Variants in LIN28B observed in about 807,000 individuals in gnomAD.
The protein encoded by LIN28B is lin-28 RNA binding posttranscriptional regulator B, also known as protein lin-28 homolog B.
A neutral mutation model predicts 21.9 loss-of-function variants in LIN28B; 5 were observed. That is an observed-to-expected ratio of 0.23 (90% CI 0.12 to 0.48). The LOEUF (loss-of-function observed/expected upper bound fraction) is 0.48. Ranked by LOEUF, LIN28B falls within the 20% of genes least tolerant of loss-of-function variation. LIN28B has a pLI of 0.98. For synonymous variants in LIN28B, 109 were observed against 111.3 expected (o/e 0.98, Z 0.13); for missense variants, 245 against 310.5 (o/e 0.79, Z 1.58).
chr6:104,951,360 A>G (rs1266926202), intron 3 of LIN28B, among the ~76,000 whole-genome samples: 1 of 152,162 alleles, frequency 6.6e-6, no homozygotes, highest in Non-Finnish European at 1.5e-5. Flanking sequence ...AAAAAGTTGG[A>G]TGAGGAAACC....
At chr6:104,939,543 A>G (rs1260847207) in intron 2 of LIN28B, 1 of 152,224 alleles carries the variant, frequency 6.6e-6, no homozygotes, top group African/African-American at 2.4e-5. Context: ...TACCCTTGAT[A>G]GATACATTGG....
intron 3 of LIN28B, among the ~76,000 whole-genome samples, chr6:105,049,909 TG>T (rs1771859304): frequency 6.6e-6 from 1 of 152,168 alleles, no homozygotes; most frequent in African/African-American, 2.4e-5. Context: ...GCACGTGAGA[TG>T]GGTTTCCTGA....
chr6:105,044,794 ACCTCTTGCCC>A (rs1771712433), intron 3 of LIN28B, among the ~76,000 whole-genome samples: 1 of 152,148 alleles, frequency 6.6e-6, no homozygotes, highest in Non-Finnish European at 1.5e-5. Flanking sequence ...CTTTTAGTGT[ACCTCTTGCCC>A]GACTAGTGCA....
In LIN28B at chr6:105,050,608, C is replaced by CAACAAA. The variant is rs1485513031; in HGVS notation, c.383+24128_383+24129insCAAAAA. Among the ~76,000 whole-genome samples, 9 of 47,604 alleles carry CAACAAA rather than the reference C, an allele frequency of 1.9e-4. 1 individual carries two copies. Among genetic ancestry groups the CAACAAA allele is most frequent in the African/African-American group, 2.6e-4 (3 of 11,632 alleles). The allele number at this position is 47,604 out of a possible 152,430, so 31.2% of individuals were successfully genotyped here. A position where few individuals can be genotyped will look rare whatever the true frequency, so the allele number is the denominator to read the frequency against. ...TGGGCGACAGAGCGAGACTCCGTCT[C>CAACAAA]AAAAAAAAAAAAAAAAAAAAAAAAA... On this transcript the variant is annotated intron_variant, in intron 3 of 3. Coordinates refer to ENST00000345080, the MANE Select transcript of LIN28B (RefSeq NM_001004317.4).
intron 2 of LIN28B, among the ~76,000 whole-genome samples, chr6:104,994,104 A>G (rs1770550358): frequency 6.6e-6 from 1 of 152,086 alleles, no homozygotes; most frequent in East Asian, 1.9e-4. Context: ...TTCCAGGTTC[A>G]TGCCATTCTC....
At chr6:104,955,176 C>A (rs1460296214), upstream of LIN28B, among the ~76,000 whole-genome samples, 2 of 152,176 alleles carry the variant, frequency 1.3e-5, no homozygotes, top group African/African-American at 4.8e-5. Context: ...ATTGAGATTA[C>A]TTTCTTGTCA....
At chr6:105,052,203 T>A (rs1771921234) in intron 3 of LIN28B, among the ~76,000 whole-genome samples, 1 of 151,936 alleles carries the variant, frequency 6.6e-6, no homozygotes, top group Non-Finnish European at 1.5e-5. Flanking sequence ...AGAAGAGAGG[T>A]CCAAGATTAG....
intron 3 of LIN28B, among the ~76,000 whole-genome samples, chr6:105,037,149 G>A (rs1410814891): frequency 1.3e-5 from 2 of 152,128 alleles, no homozygotes; most frequent in African/African-American, 4.8e-5. Context: ...GATGAAGACT[G>A]ATCAACAGAA....
At chr6:105,008,432 CAGG>C (rs1264265068) in intron 2 of LIN28B, among the ~76,000 whole-genome samples, 1 of 152,032 alleles carries the variant, frequency 6.6e-6, no homozygotes, top group Non-Finnish European at 1.5e-5. Flanking sequence ...ATCACGAGGT[CAGG>C]AGATCGAGAC....
Position 104,970,666 on chromosome 6 carries a change from A to G in LIN28B, c.198+12380A>G, listed in dbSNP as rs191578451. On this transcript the variant is annotated intron_variant, in intron 2 of 3. Transcript: ENST00000345080. Reference sequence around the variant, plus strand: ...TTTTAGCATCATTTGAGGTTTCTAAACTGTAACTTGTTTCTCAGAACTCAT... The same window carrying G: ...TTTTAGCATCATTTGAGGTTTCTAAGCTGTAACTTGTTTCTCAGAACTCAT... 3.5e-4 allele frequency among the ~76,000 whole-genome samples: 54 copies of G among 152,292 alleles called. 1 individual carries two copies. Among genetic ancestry groups the G allele is most frequent in the Admixed American group, 3.1e-3 (48 of 15,294 alleles).
chr6:105,078,784 C>T lies in LIN28B; in HGVS notation c.*1C>T. 2.5e-6 allele frequency: 4 copies of T among 1,611,322 alleles called. No individual in the cohort carries two copies. Among genetic ancestry groups the T allele is most frequent in the Non-Finnish European group, 3.4e-6 (4 of 1,178,320 alleles). On this transcript the variant is annotated 3_prime_UTR_variant, in exon 4 of 4. Coordinates refer to ENST00000345080, the MANE Select transcript of LIN28B (RefSeq NM_001004317.4). ...AGTTCAAAAAAGGAAAAAGACATAA[C>T]AGGTCTTCTTCATATGTTCTTTCCT...
At chr6:105,015,829 G>A (rs1485477255) in intron 2 of LIN28B, among the ~76,000 whole-genome samples, 8 of 152,114 alleles carry the variant, frequency 5.3e-5, no homozygotes, top group Non-Finnish European at 8.8e-5. Flanking sequence ...CAGTACATAA[G>A]TAAATATTCA....
chr6:105,021,138 G>A (rs962254434), intron 2 of LIN28B, among the ~76,000 whole-genome samples: 2 of 151,948 alleles, frequency 1.3e-5, no homozygotes, highest in Non-Finnish European at 2.9e-5. Flanking sequence ...GACTTTCTGT[G>A]CCTGGCTTTT....
At chr6:104,989,833 C>G (rs1203440980) in intron 2 of LIN28B, among the ~76,000 whole-genome samples, 3 of 152,000 alleles carry the variant, frequency 2.0e-5, no homozygotes, top group Non-Finnish European at 4.4e-5. Flanking sequence ...CTCAAGTGAT[C>G]CACCTGCCTC....
intron 3 of LIN28B, among the ~76,000 whole-genome samples, chr6:105,066,614 C>T (rs1301766419): frequency 2.6e-5 from 4 of 152,084 alleles, no homozygotes; most frequent in African/African-American, 9.7e-5. Flanking sequence ...GTGAGCTAGT[C>T]ACTATTTTAT....
At chr6:104,982,363 C>T (rs778752313) in intron 2 of LIN28B, among the ~76,000 whole-genome samples, 8 of 151,302 alleles carry the variant, frequency 5.3e-5, no homozygotes, top group Non-Finnish European at 1.2e-4. Flanking sequence ...GCCTCCAATT[C>T]AGTGATGAGA....
intron 3 of LIN28B, among the ~76,000 whole-genome samples, chr6:105,073,122 A>G (rs1772363809): frequency 6.6e-6 from 1 of 151,442 alleles, no homozygotes; most frequent in South Asian, 2.1e-4. Context: ...CCACCTCCCC[A>G]CCACCAGCTG....
At chr6:105,021,409 G>A (rs906842700) in intron 2 of LIN28B, among the ~76,000 whole-genome samples, 2 of 152,130 alleles carry the variant, frequency 1.3e-5, no homozygotes, top group African/African-American at 4.8e-5. Flanking sequence ...AAATCGAATA[G>A]TAATTCCATT....
chr6:105,070,638 ACACT>A (rs1284613496), intron 3 of LIN28B, among the ~76,000 whole-genome samples: 16 of 150,324 alleles, frequency 1.1e-4, no homozygotes, highest in African/African-American at 3.9e-4. Flanking sequence ...ACACACACAC[ACACT>A]GGTGGTGTAT....
Sources: gnomAD v4.1 joint callset for allele counts (sites outside exome capture counted in the v4.1 genomes callset) on GRCh38, gnomAD v4.1.1 for gene constraint, MANE v1.5 for transcripts, NCBI Gene and HGNC (gene_info 2026-07-23, HGNC 2026-07-21) for gene names.